PFKFB3: variants seen among roughly 807,000 people sequenced by gnomAD.
PFKFB3 encodes 6-phosphofructo-2-kinase/fructose-2,6-bisphosphatase 3.
PFKFB3 carries 33 observed loss-of-function variants against 68.0 expected under a neutral mutation model. That is an observed-to-expected ratio of 0.49 (90% CI 0.37 to 0.65). The LOEUF (loss-of-function observed/expected upper bound fraction) is 0.65, where lower values mean the gene tolerates loss of function less well. PFKFB3 is among the 30% of genes least tolerant of loss of function. The pLI is 0.00. For missense variants in PFKFB3, 586 were observed against 712.2 expected, an observed-to-expected ratio of 0.82 and a Z score of 2.02; for synonymous variants, 315 against 288.2, an observed-to-expected ratio of 1.09 and a Z score of -0.94.
intron 1 of PFKFB3, among the ~76,000 whole-genome samples, chr10:6,168,897 G>A (rs1381848130): frequency 6.6e-6 from 1 of 152,116 alleles, no homozygotes; most frequent in Non-Finnish European, 1.5e-5. Context: ...TCCTAAAGTG[G>A]TCCTTCGTTG....
At chr10:6,213,516 CAAA>C in intron 1 of PFKFB3, 104 bp from the exon 2 acceptor site, 1 of 1,379,488 alleles carries the variant, frequency 7.2e-7, no homozygotes, top group Non-Finnish European at 9.9e-7. Context: ...GACCCTGTCT[CAAA>C]AACATTTTTG....
the PFKFB3 span, among the ~76,000 whole-genome samples, chr10:6,321,323 G>A: frequency 6.6e-6 from 1 of 151,830 alleles, no homozygotes; most frequent in African/African-American, 2.4e-5. Flanking sequence ...TCCTTGTCAT[G>A]CCCATTCTCT....
intron 1 of PFKFB3, among the ~76,000 whole-genome samples, chr10:6,158,238 G>A (rs568044064): frequency 6.6e-6 from 1 of 152,026 alleles, no homozygotes; most frequent in Admixed American, 6.5e-5. Context: ...GCAGTGAGCC[G>A]AGATTGCGCC....
At chr10:6,295,669 T>C in the PFKFB3 span, among the ~76,000 whole-genome samples, 5 of 152,196 alleles carry the variant, frequency 3.3e-5, no homozygotes, top group African/African-American at 7.2e-5. Context: ...GGTGTTTCTC[T>C]TCCCCCAGGC....
At chr10:6,297,578 G>A in the PFKFB3 span, among the ~76,000 whole-genome samples, 2 of 152,124 alleles carry the variant, frequency 1.3e-5, no homozygotes, top group Non-Finnish European at 2.9e-5. Context: ...TTGGAGGGAA[G>A]CAAGACGTTT....
the PFKFB3 span, among the ~76,000 whole-genome samples, chr10:6,288,343 TCCCTCCC>T: frequency 1.7e-5 from 2 of 118,346 alleles, no homozygotes; most frequent in Non-Finnish European, 1.7e-5. Context: ...CCTAATGCTA[TCCCTCCC>T]CCCTCCCCCC....
intron 1 of PFKFB3, among the ~76,000 whole-genome samples, chr10:6,203,725 G>T (rs1464989243): frequency 2.0e-5 from 3 of 152,092 alleles, no homozygotes; most frequent in Admixed American, 1.3e-4. Flanking sequence ...CCTTTTCACC[G>T]TCCGGATCTC....
rs11596368 is a variant in PFKFB3, at chr10:6,203,152, G to C, written c.-109G>C. The C allele has an allele frequency of 4.6e-3, 6,875 of 1,503,464 alleles. 18 individuals are homozygous for C. Among genetic ancestry groups the C allele is most frequent in the Non-Finnish European group, 5.4e-3 (6,136 of 1,128,836 alleles). 93.1% of individuals were successfully genotyped at this position (1,503,464 alleles called of 1,614,324 possible). ...CAGCGCAGGAAACGCCCGGCCGCGC[G>C]CCGGCGCACGCCCCCCTCTCCTCCT... On this transcript the variant is annotated 5_prime_UTR_variant, in exon 1 of 15. Coordinates refer to ENST00000379775, the MANE Select transcript of PFKFB3 (RefSeq NM_004566.4).
intron 1 of PFKFB3, among the ~76,000 whole-genome samples, chr10:6,180,031 T>C (rs910308942): frequency 6.6e-6 from 1 of 151,762 alleles, no homozygotes; most frequent in South Asian, 2.1e-4. Context: ...ATTTAACCAT[T>C]CAAAATAACC....
chr10:6,170,528 ACCT>A (rs1205868551), intron 1 of PFKFB3, among the ~76,000 whole-genome samples: 1 of 152,136 alleles, frequency 6.6e-6, no homozygotes, highest in African/African-American at 2.4e-5. Flanking sequence ...GGCCACATAG[ACCT>A]CCTTCCTACA....
chr10:6,208,371 C>CTGTTTTT (rs1843931905), intron 1 of PFKFB3, among the ~76,000 whole-genome samples: 1 of 60,624 alleles, frequency 1.6e-5, no homozygotes, highest in Non-Finnish European at 2.9e-5. Flanking sequence ...GGTACCTGGC[C>CTGTTTTT]TTTTTTTTTT....
the PFKFB3 span, among the ~76,000 whole-genome samples, chr10:6,291,327 A>T: frequency 2.0e-5 from 3 of 152,154 alleles, no homozygotes; most frequent in Admixed American, 6.5e-5. Flanking sequence ...GCACTTTGGG[A>T]GGCCAAGGTG....
chr10:6,286,761 A>G, the PFKFB3 span, among the ~76,000 whole-genome samples: 1 of 152,212 alleles, frequency 6.6e-6, no homozygotes, highest in Non-Finnish European at 1.5e-5. Flanking sequence ...TACTGTATTC[A>G]TAAGTATTTT....
the PFKFB3 span, among the ~76,000 whole-genome samples, chr10:6,276,824 C>A: frequency 7.9e-6 from 1 of 126,006 alleles, no homozygotes; most frequent in Non-Finnish European, 1.7e-5. Context: ...CTAGATTTCC[C>A]ATTTTATATG....
chr10:6,183,643 A>AT (rs1215654254), intron 1 of PFKFB3, among the ~76,000 whole-genome samples: 3 of 148,628 alleles, frequency 2.0e-5, no homozygotes, highest in African/African-American at 7.3e-5. Flanking sequence ...GTATATAAAT[A>AT]ATATATAAAT....
At chr10:6,219,478 G>A (rs1343412054) in intron 6 of PFKFB3, 91 bp from the exon 7 acceptor site, 2 of 1,392,060 alleles carry the variant, frequency 1.4e-6, no homozygotes, top group Non-Finnish European at 2.0e-6. Flanking sequence ...AGCCTTCTGT[G>A]CGCTCCCCTT....
Position 6,228,371 on chromosome 10 carries a change from G to A in PFKFB3, c.1515+2006G>A. Reference sequence around the variant, plus strand: ...GAGGAGATGGGCGTAGGAGTAGGGAGGAGAGATTCCTGAATGTTTTTGGAA... The same window carrying A: ...GAGGAGATGGGCGTAGGAGTAGGGAAGAGAGATTCCTGAATGTTTTTGGAA... On this transcript the variant is annotated intron_variant, in intron 14 of 14. Transcript: ENST00000379775. The surrounding 1 kb of genome is among the most constrained non-coding windows in gnomAD (Gnocchi z 4.5). 2.5e-6 allele frequency: 2 copies of A among 806,838 alleles called. No homozygotes were observed. Among genetic ancestry groups the A allele is most frequent in the Non-Finnish European group, 2.1e-6 (1 of 475,460 alleles). 50.0% of individuals were successfully genotyped at this position (806,838 alleles called of 1,614,324 possible). A position where few individuals can be genotyped will look rare whatever the true frequency, so the allele number is the denominator to read the frequency against.
chr10:6,147,713 T>G (rs1379208881), intron 1 of PFKFB3, among the ~76,000 whole-genome samples: 1 of 151,292 alleles, frequency 6.6e-6, no homozygotes, highest in East Asian at 1.9e-4. Flanking sequence ...ACCTCACTCC[T>G]TCCTCCCTCT....
At chr10:6,291,379 C>T in the PFKFB3 span, among the ~76,000 whole-genome samples, 9 of 152,044 alleles carry the variant, frequency 5.9e-5, no homozygotes, top group Non-Finnish European at 1.3e-4. Context: ...TGGTGAAACC[C>T]TGTCTCCACA....
Sources: gnomAD v4.1 joint callset for allele counts (sites outside exome capture counted in the v4.1 genomes callset) on GRCh38, gnomAD v4.1.1 for gene constraint, Gnocchi (gnomAD v3.1) non-coding constraint, MANE v1.5 for transcripts, NCBI Gene and HGNC (gene_info 2026-07-23, HGNC 2026-07-21) for gene names.